Variants in PAK1 observed in about 807,000 individuals in gnomAD.
PAK1 encodes p21 (RAC1) activated kinase 1, also known as serine/threonine-protein kinase PAK 1.
A neutral mutation model predicts 67.4 loss-of-function variants in PAK1; 29 were observed. The ratio of observed to expected loss-of-function variants is 0.43; its 90% CI spans 0.32 to 0.59. The LOEUF is 0.59. Ranked by LOEUF, PAK1 falls within the 20% of genes least tolerant of loss-of-function variation. The pLI, the probability that PAK1 is intolerant of heterozygous loss-of-function variation, is 0.07. For synonymous variants in PAK1, 223 were observed against 237.4 expected (o/e 0.94, Z 0.56); for missense variants, 337 against 670.7 (o/e 0.50, Z 5.50).
chr11:77,470,355 TTTTTTCATCCCTC>T (rs751864436), intron 1 of PAK1, among the ~76,000 whole-genome samples: 2 of 152,194 alleles, frequency 1.3e-5, no homozygotes, highest in African/African-American at 2.4e-5. Flanking sequence ...ATATACCACC[TTTTTTCATCCCTC>T]TATTTCATCT....
At chr11:77,379,547 A>T in intron 3 of PAK1, 159 bp from the exon 4 acceptor site, 1 of 641,768 alleles carries the variant, frequency 1.6e-6, no homozygotes, top group Non-Finnish European at 2.6e-6. Flanking sequence ...CTCTTTTATA[A>T]TATCTTTCTC....
At position 77,473,769 on chromosome 11, in the gene PAK1, G is replaced by GC. The variant is rs1565729292; in HGVS notation, c.-240_-239insG. The GC allele has an allele frequency of 1.3e-5, 2 of 151,118 alleles. No homozygotes were observed. Among genetic ancestry groups the GC allele is most frequent in the East Asian group, 4.0e-4 (2 of 4,950 alleles). The allele number at this position is 151,118 out of a possible 1,614,324, so 9.4% of individuals were successfully genotyped here. ...CGGGAGGGAGCGAGGCGACGCGGGC[G>GC]GGGGGGGAAGGGGGGACTGAGGGGC... On this transcript the variant is annotated 5_prime_UTR_variant, in exon 1 of 15. Coordinates refer to ENST00000356341, the MANE Select transcript of PAK1 (RefSeq NM_002576.5).
intron 5 of PAK1, among the ~76,000 whole-genome samples, chr11:77,366,900 T>A (rs1425030038): frequency 6.6e-6 from 1 of 152,214 alleles, no homozygotes; most frequent in Non-Finnish European, 1.5e-5. Context: ...TGAATGTTCA[T>A]AACTGCATTA....
intron 1 of PAK1, among the ~76,000 whole-genome samples, chr11:77,429,056 TAAAAAA>T (rs566874549): frequency 1.8e-4 from 9 of 48,984 alleles, no homozygotes; most frequent in African/African-American, 5.2e-4. Context: ...CATTTAATAC[TAAAAAA>T]AAAAAAAAAA....
intron 1 of PAK1, among the ~76,000 whole-genome samples, chr11:77,425,233 G>A (rs1054945718): frequency 3.3e-5 from 5 of 150,968 alleles, no homozygotes; most frequent in African/African-American, 9.7e-5. Context: ...CCATTTTAAG[G>A]ACTCCTGGAT....
At chr11:77,335,700 C>CCAACT (rs1942570693) in intron 13 of PAK1, among the ~76,000 whole-genome samples, 2 of 152,246 alleles carry the variant, frequency 1.3e-5, no homozygotes, top group Admixed American at 6.5e-5. Flanking sequence ...TAATGACTTC[C>CCAACT]CAACTCTGCA....
the PAK1 span, among the ~76,000 whole-genome samples, chr11:77,482,595 TTC>T: frequency 1.5e-5 from 2 of 136,608 alleles, no homozygotes; most frequent in East Asian, 4.1e-4. Flanking sequence ...CACTCTTTTT[TTC>T]TTTTTTTTTT....
At chr11:77,466,665 TA>T (rs1957612642) in intron 1 of PAK1, among the ~76,000 whole-genome samples, 1 of 152,084 alleles carries the variant, frequency 6.6e-6, no homozygotes, top group South Asian at 2.1e-4. Flanking sequence ...TCCTCATCTG[TA>T]AAATGAGTTA....
intron 2 of PAK1, among the ~76,000 whole-genome samples, chr11:77,386,418 A>G (rs1950456962): frequency 6.6e-6 from 1 of 152,226 alleles, no homozygotes; most frequent in African/African-American, 2.4e-5. Context: ...TTCAAACTAA[A>G]TGCTGAAAGA....
chr11:77,345,984 TTTTTC>T (rs1455454515), intron 9 of PAK1, among the ~76,000 whole-genome samples: 1 of 152,130 alleles, frequency 6.6e-6, no homozygotes, highest in African/African-American at 2.4e-5. Flanking sequence ...TTCTTTTTAC[TTTTTC>T]TTTTAATACA....
chr11:77,349,793 G>A (rs1364087977), intron 8 of PAK1, among the ~76,000 whole-genome samples: 1 of 151,862 alleles, frequency 6.6e-6, no homozygotes, highest in South Asian at 2.1e-4. Flanking sequence ...TTAGATCTAT[G>A]ATTTTCAACT....
At chr11:77,422,766 G>A (rs915991622) in intron 1 of PAK1, among the ~76,000 whole-genome samples, 3 of 152,116 alleles carry the variant, frequency 2.0e-5, no homozygotes, top group African/African-American at 7.2e-5. Context: ...CTGGGGAAAT[G>A]GTTGCTTTAA....
At chr11:77,518,190 G>T in the PAK1 span, among the ~76,000 whole-genome samples, 1 of 151,956 alleles carries the variant, frequency 6.6e-6, no homozygotes, top group African/African-American at 2.4e-5. Flanking sequence ...CTTCTTGTTT[G>T]TTCTGCTGTG....
intron 1 of PAK1, among the ~76,000 whole-genome samples, chr11:77,422,913 T>TG (rs1254587698): frequency 6.6e-6 from 1 of 152,088 alleles, no homozygotes; most frequent in Admixed American, 6.5e-5. Context: ...ACACACTCAG[T>TG]GGCTGGCAGA....
At chr11:77,358,748 C>A in intron 6 of PAK1, 150 bp downstream of exon 6, 1 of 744,066 alleles carries the variant, frequency 1.3e-6, no homozygotes, top group Non-Finnish European at 2.3e-6. Flanking sequence ...ACAGAAAGTA[C>A]CTTTAGTCAA....
chr11:77,452,876 C>T (rs1956917619), intron 1 of PAK1, among the ~76,000 whole-genome samples: 1 of 152,196 alleles, frequency 6.6e-6, no homozygotes, highest in African/African-American at 2.4e-5. Context: ...CTAGCTTTCT[C>T]TCTTCCTAGG....
intron 5 of PAK1, among the ~76,000 whole-genome samples, chr11:77,359,470 G>A (rs1461246039): frequency 6.6e-6 from 1 of 152,140 alleles, no homozygotes; most frequent in African/African-American, 2.4e-5. Flanking sequence ...GTAAATGGCA[G>A]TCTAAACAGG....
upstream of PAK1, among the ~76,000 whole-genome samples, chr11:77,477,370 C>A (rs554927882): frequency 6.6e-6 from 1 of 152,144 alleles, no homozygotes; most frequent in African/African-American, 2.4e-5. Context: ...TAAATAAAGA[C>A]CAAAACACCT....
intron 5 of PAK1, among the ~76,000 whole-genome samples, chr11:77,368,438 T>C (rs140061060): frequency 0.014 from 2,090 of 152,290 alleles, 18 homozygotes; most frequent in Non-Finnish European, 0.018. Context: ...TATTAAATGT[T>C]TACTTTCCAT....
Sources: allele counts gnomAD v4.1 joint callset (sites outside exome capture counted in the v4.1 genomes callset), GRCh38; gene constraint gnomAD v4.1.1; transcripts MANE v1.5; gene names NCBI Gene and HGNC (gene_info 2026-07-23, HGNC 2026-07-21).